The following KCND3 variants were observed in gnomAD, a reference collection of about 807,000 sequenced individuals.
The protein encoded by KCND3 is potassium voltage-gated channel subfamily D member 3, also known as A-type voltage-gated potassium channel KCND3.
KCND3 carries 9 observed loss-of-function variants against 51.1 expected under a neutral mutation model. The observed-to-expected ratio is 0.18, with a 90% confidence interval of 0.11 to 0.31. The LOEUF is 0.31. Ranked by LOEUF, KCND3 falls within the 10% of genes least tolerant of loss-of-function variation. The pLI, the probability that KCND3 is intolerant of heterozygous loss-of-function variation, is 1.00. For missense variants in KCND3, 526 were observed against 903.8 expected, an observed-to-expected ratio of 0.58 and a Z score of 5.36; for synonymous variants, 349 against 368.0, an observed-to-expected ratio of 0.95 and a Z score of 0.59.
chr1:111,860,185 C>G (rs1668268871), intron 2 of KCND3, among the ~76,000 whole-genome samples: 1 of 152,226 alleles, frequency 6.6e-6, no homozygotes, highest in Non-Finnish European at 1.5e-5. Context: ...TGCCAGTGCT[C>G]TAAAAGGTAA....
At chr1:111,829,018 C>G (rs556134953) in intron 2 of KCND3, among the ~76,000 whole-genome samples, 1 of 152,140 alleles carries the variant, frequency 6.6e-6, no homozygotes, top group East Asian at 1.9e-4. Context: ...GAGCCACCCG[C>G]GAAACAAATG....
chr1:111,861,614 A>G (rs1298584248), intron 2 of KCND3, among the ~76,000 whole-genome samples: 2 of 152,076 alleles, frequency 1.3e-5, no homozygotes, highest in African/African-American at 4.8e-5. Flanking sequence ...GGAAGAGAAC[A>G]TGTCACCCTC....
At chr1:111,789,485 A>C (rs1664741799) in intron 2 of KCND3, among the ~76,000 whole-genome samples, 2 of 152,266 alleles carry the variant, frequency 1.3e-5, no homozygotes, top group South Asian at 4.1e-4. Flanking sequence ...AGACAGGAGG[A>C]ATGTGCAGAT....
chr1:111,928,667 G>A (rs534262004), intron 2 of KCND3, among the ~76,000 whole-genome samples: 11 of 152,340 alleles, frequency 7.2e-5, no homozygotes, highest in African/African-American at 1.9e-4. Context: ...AGCCAGGAAC[G>A]AAGAAGCTGC....
chr1:111,904,818 T>C (rs187682925), intron 2 of KCND3, among the ~76,000 whole-genome samples: 191 of 152,140 alleles, frequency 1.3e-3, no homozygotes, highest in Admixed American at 3.2e-3. Context: ...CCTCACACAG[T>C]GGAGCGGGGA....
At chr1:111,892,428 G>A (rs1340464209) in intron 2 of KCND3, among the ~76,000 whole-genome samples, 1 of 152,232 alleles carries the variant, frequency 6.6e-6, no homozygotes, top group Admixed American at 6.5e-5. Flanking sequence ...TCTCAGGGAA[G>A]GGGCTCTGGT....
chr1:111,977,630 T>A (rs1674710197), intron 2 of KCND3, among the ~76,000 whole-genome samples: 1 of 152,100 alleles, frequency 6.6e-6, no homozygotes, highest in African/African-American at 2.4e-5. Context: ...AGCAGCCTCA[T>A]CAAAACCAGG....
At chr1:111,850,050 C>T (rs1168510567) in intron 2 of KCND3, among the ~76,000 whole-genome samples, 1 of 152,110 alleles carries the variant, frequency 6.6e-6, no homozygotes, top group East Asian at 1.9e-4. Flanking sequence ...CACCAGAGAG[C>T]CCATAACTCA....
At chr1:111,897,076 C>T (rs1316415432) in intron 2 of KCND3, among the ~76,000 whole-genome samples, 3 of 152,238 alleles carry the variant, frequency 2.0e-5, no homozygotes, top group East Asian at 3.8e-4. Context: ...ACGGGGCAGG[C>T]GAGGAGCAGG....
chr1:111,893,430 T>C (rs1669944065), intron 2 of KCND3, among the ~76,000 whole-genome samples: 1 of 152,020 alleles, frequency 6.6e-6, no homozygotes, highest in Admixed American at 6.6e-5. Context: ...CTTGGAAGAA[T>C]GATGGCCTTG....
intron 2 of KCND3, among the ~76,000 whole-genome samples, chr1:111,948,163 C>T (rs1347600646): frequency 6.6e-6 from 1 of 152,242 alleles, no homozygotes; most frequent in African/African-American, 2.4e-5. Context: ...ATGGGCCCCA[C>T]CATGCCCCTA....
At chr1:111,851,484 C>A (rs1667812883) in intron 2 of KCND3, among the ~76,000 whole-genome samples, 1 of 152,196 alleles carries the variant, frequency 6.6e-6, no homozygotes, top group Non-Finnish European at 1.5e-5. Context: ...GTCATTGCCT[C>A]CCTTCTGCCC....
At chr1:111,779,564 C>T (rs1664281777) in intron 5 of KCND3, among the ~76,000 whole-genome samples, 1 of 152,160 alleles carries the variant, frequency 6.6e-6, no homozygotes, top group Non-Finnish European at 1.5e-5. Flanking sequence ...GTTGGCCCCA[C>T]TGCCCTTCCT....
intron 2 of KCND3, among the ~76,000 whole-genome samples, chr1:111,875,697 C>A (rs12068670): frequency 6.6e-6 from 1 of 152,150 alleles, no homozygotes; most frequent in South Asian, 2.1e-4. Context: ...TTCTCCTCCC[C>A]CTGGGACACT....
At chr1:111,953,309 G>C (rs1673150291) in intron 2 of KCND3, among the ~76,000 whole-genome samples, 1 of 152,198 alleles carries the variant, frequency 6.6e-6, no homozygotes, top group African/African-American at 2.4e-5. Flanking sequence ...AGTTACTGGT[G>C]TGCTGTGAGT....
chr1:111,966,589 T>A (rs1052207347), intron 2 of KCND3, among the ~76,000 whole-genome samples: 2 of 152,138 alleles, frequency 1.3e-5, no homozygotes, highest in Non-Finnish European at 2.9e-5. Flanking sequence ...CCGACGGACT[T>A]CACTCTTCCA....
rs192289936 is a variant in KCND3 at position 111,823,526 on chromosome 1, T to C, written c.1107-36420A>G. On this transcript the variant is annotated intron_variant, in intron 2 of 7. Coordinates refer to ENST00000302127, the MANE Select transcript of KCND3 (RefSeq NM_001378969.1). ...GCTCCTATTTTGAGCTTTAGTTCTTTTTTTAATGATGCTGGTTTTACACTG... is the reference window on the plus strand; with the variant it reads ...GCTCCTATTTTGAGCTTTAGTTCTTCTTTTAATGATGCTGGTTTTACACTG... 1.6e-4 allele frequency among the ~76,000 whole-genome samples: 25 copies of C among 152,362 alleles called. No individual in the cohort carries two copies. In the East Asian group the frequency reaches 4.8e-3, roughly 29 times the overall value.
intron 2 of KCND3, among the ~76,000 whole-genome samples, chr1:111,824,731 TC>T (rs1380888501): frequency 2.0e-5 from 3 of 152,160 alleles, no homozygotes; most frequent in Non-Finnish European, 4.4e-5. Flanking sequence ...GATCACTGCA[TC>T]CAGACATGAG....
chr1:111,876,775 AG>A (rs1370988047), intron 2 of KCND3, among the ~76,000 whole-genome samples: 2 of 152,222 alleles, frequency 1.3e-5, no homozygotes, highest in Non-Finnish European at 2.9e-5. Flanking sequence ...AGAGGAGCAA[AG>A]GGAAATGTAT....
Sources: allele counts gnomAD v4.1 joint callset (sites outside exome capture counted in the v4.1 genomes callset), GRCh38; gene constraint gnomAD v4.1.1; transcripts MANE v1.5; gene names NCBI Gene and HGNC (gene_info 2026-07-23, HGNC 2026-07-21).